Variants in PTPRD observed in about 807,000 individuals in gnomAD.
The protein encoded by PTPRD is protein tyrosine phosphatase receptor type D.
PTPRD carries 34 observed loss-of-function variants against 214.5 expected under a neutral mutation model. The ratio of observed to expected loss-of-function variants is 0.16; its 90% confidence interval spans 0.12 to 0.21. The LOEUF is 0.21. Ranked by LOEUF, PTPRD falls within the 10% of genes least tolerant of loss-of-function variation. The pLI is 1.00. For missense variants in PTPRD, 2,545 were observed against 2,398.7 expected, an observed-to-expected ratio of 1.06 and a Z score of -1.27; for synonymous variants, 1,128 against 845.7, an observed-to-expected ratio of 1.33 and a Z score of -5.79.
intron 11 of PTPRD, among the ~76,000 whole-genome samples, chr9:8,885,052 C>A (rs1180834315): frequency 6.6e-6 from 1 of 152,058 alleles, no homozygotes; most frequent in Non-Finnish European, 1.5e-5. Context: ...TATGATAGTG[C>A]AAGTGAAGTG....
chr9:9,022,666 A>G (rs2099573865), intron 10 of PTPRD, among the ~76,000 whole-genome samples: 1 of 152,160 alleles, frequency 6.6e-6, no homozygotes, highest in Admixed American at 6.6e-5. Flanking sequence ...TTGTTAAGTG[A>G]TGCATGACTG....
chr9:8,716,110 AC>A (rs910231629), intron 12 of PTPRD, among the ~76,000 whole-genome samples: 40 of 152,250 alleles, frequency 2.6e-4, no homozygotes, highest in Admixed American at 3.9e-4. Flanking sequence ...AATTGCGAAA[AC>A]CGCAATTACC....
chr9:9,425,007 T>A (rs558081426), intron 8 of PTPRD, among the ~76,000 whole-genome samples: 1 of 152,094 alleles, frequency 6.6e-6, no homozygotes, highest in East Asian at 1.9e-4. Context: ...TCAGCAGAAG[T>A]GTTATTATAT....
intron 39 of PTPRD, among the ~76,000 whole-genome samples, chr9:8,373,905 T>TCTACCTACCTAC (rs2082394281): frequency 1.2e-5 from 1 of 81,318 alleles, no homozygotes; most frequent in Non-Finnish European, 2.6e-5. Flanking sequence ...TATCTATCTA[T>TCTACCTACCTAC]CTATCTATCT....
chr9:9,260,259 C>G (rs1340530129), intron 9 of PTPRD, among the ~76,000 whole-genome samples: 1 of 151,806 alleles, frequency 6.6e-6, no homozygotes, highest in African/African-American at 2.4e-5. Context: ...AAGCCCTGAA[C>G]TTGAAATATG....
At chr9:9,438,052 C>T (rs1480927418) in intron 8 of PTPRD, among the ~76,000 whole-genome samples, 1 of 152,120 alleles carries the variant, frequency 6.6e-6, no homozygotes, top group Non-Finnish European at 1.5e-5. Context: ...CTTCATGTTC[C>T]GATGGCTTTC....
intron 2 of PTPRD, among the ~76,000 whole-genome samples, chr9:10,545,399 T>G (rs942537040): frequency 2.0e-5 from 3 of 152,180 alleles, no homozygotes; most frequent in Non-Finnish European, 2.9e-5. Context: ...TTTAGCATGC[T>G]TTTGAAAAGG....
intron 11 of PTPRD, among the ~76,000 whole-genome samples, chr9:8,838,717 T>C (rs1347402658): frequency 6.6e-6 from 1 of 152,028 alleles, no homozygotes; most frequent in Non-Finnish European, 1.5e-5. Context: ...GTTTGCAGGA[T>C]AAAAATAAAT....
At chr9:9,839,347 A>G (rs1046977448) in intron 5 of PTPRD, among the ~76,000 whole-genome samples, 2 of 152,174 alleles carry the variant, frequency 1.3e-5, no homozygotes, top group African/African-American at 4.8e-5. Flanking sequence ...AAGCAAATTC[A>G]GCAAAGTCTC....
chr9:10,284,947 G>T (rs12001726), intron 3 of PTPRD, among the ~76,000 whole-genome samples: 17,094 of 152,118 alleles, frequency 0.11, 2,271 homozygotes, highest in African/African-American at 0.3. Context: ...TAATCTGAAT[G>T]AGTCTTCTAT....
At chr9:10,092,706 TATAAAG>T (rs1370326580) in intron 3 of PTPRD, among the ~76,000 whole-genome samples, 1 of 151,544 alleles carries the variant, frequency 6.6e-6, no homozygotes, top group Non-Finnish European at 1.5e-5. Context: ...TACACTATAC[TATAAAG>T]ATATAGTAAC....
intron 11 of PTPRD, among the ~76,000 whole-genome samples, chr9:8,933,344 T>C (rs1458002784): frequency 9.2e-6 from 1 of 108,484 alleles, no homozygotes; most frequent in South Asian, 3.5e-4. Context: ...CTTGAGGTTT[T>C]TTTTTTTTTT....
chr9:9,476,407 G>C (rs1589390894), intron 8 of PTPRD, among the ~76,000 whole-genome samples: 1 of 152,182 alleles, frequency 6.6e-6, no homozygotes, highest in Non-Finnish European at 1.5e-5. Flanking sequence ...AAACAAACAG[G>C]ATAATTGAGG....
chr9:9,631,315 G>C (rs1490819186), intron 7 of PTPRD, among the ~76,000 whole-genome samples: 1 of 151,786 alleles, frequency 6.6e-6, no homozygotes, highest in Non-Finnish European at 1.5e-5. Context: ...TACAAATTGT[G>C]AAAATATGCA....
chr9:8,892,757 C>T (rs1362491505), intron 11 of PTPRD, among the ~76,000 whole-genome samples: 1 of 150,146 alleles, frequency 6.7e-6, no homozygotes, highest in Non-Finnish European at 1.5e-5. Context: ...AGACAAAGTT[C>T]TACGGAAGCT....
intron 2 of PTPRD, among the ~76,000 whole-genome samples, chr9:10,486,785 T>G (rs1482579260): frequency 6.6e-6 from 1 of 152,206 alleles, no homozygotes; most frequent in Non-Finnish European, 1.5e-5. Flanking sequence ...CTGAAGCCAT[T>G]GGTTAAAATG....
intron 39 of PTPRD, among the ~76,000 whole-genome samples, chr9:8,343,481 CAA>C (rs934269285): frequency 6.6e-6 from 1 of 151,984 alleles, no homozygotes. Flanking sequence ...TAATATAGAG[CAA>C]AGTCGGCCTG....
At chr9:8,654,604 G>A (rs932485873) in intron 12 of PTPRD, among the ~76,000 whole-genome samples, 8 of 152,040 alleles carry the variant, frequency 5.3e-5, no homozygotes, top group Non-Finnish European at 4.4e-5. Flanking sequence ...GTGTAAAAAA[G>A]ATACATACAA....
intron 5 of PTPRD, among the ~76,000 whole-genome samples, chr9:9,912,788 T>C (rs1029170773): frequency 3.9e-5 from 6 of 152,226 alleles, no homozygotes; most frequent in Non-Finnish European, 7.3e-5. Context: ...AGATTTTTTT[T>C]CTTTTTGTAA....
Sources: gnomAD v4.1 joint callset for allele counts (sites outside exome capture counted in the v4.1 genomes callset) on GRCh38, gnomAD v4.1.1 for gene constraint, MANE v1.5 for transcripts, NCBI Gene and HGNC (gene_info 2026-07-23, HGNC 2026-07-21) for gene names.